Variants in IGF2BP3 observed in about 807,000 individuals in gnomAD.
The protein encoded by IGF2BP3 is insulin-like growth factor 2 mRNA-binding protein 3.
In IGF2BP3, 9 loss-of-function variants were observed where a neutral mutation model predicts 73.8. The observed-to-expected ratio is 0.12, with a 90% confidence interval of 0.07 to 0.21. The LOEUF (loss-of-function observed/expected upper bound fraction) is 0.21, where lower values mean the gene tolerates loss of function less well. IGF2BP3 is among the 10% of genes least tolerant of loss of function. IGF2BP3 has a pLI of 1.00. For missense variants in IGF2BP3, 542 were observed against 714.0 expected, an observed-to-expected ratio of 0.76 and a Z score of 2.75; for synonymous variants, 258 against 256.7, an observed-to-expected ratio of 1.01 and a Z score of -0.05.
chr7:23,318,674 C>T (rs1440528310), intron 11 of IGF2BP3, among the ~76,000 whole-genome samples: 1 of 152,176 alleles, frequency 6.6e-6, no homozygotes. Context: ...CTGTATTTTG[C>T]CCCTTCAACT....
chr7:23,313,482 C>G, intron 13 of IGF2BP3, 40 bp downstream of exon 13: 1 of 1,601,362 alleles, frequency 6.2e-7, no homozygotes. Flanking sequence ...TCAACGCTTT[C>G]CCTTTCATAC....
intron 3 of IGF2BP3, among the ~76,000 whole-genome samples, chr7:23,381,709 C>T (rs568247873): frequency 6.6e-6 from 1 of 152,016 alleles, no homozygotes; most frequent in Non-Finnish European, 1.5e-5. Flanking sequence ...GCTGGAATTA[C>T]AGGCACGTAC....
chr7:23,420,538 G>C (rs754911155), intron 2 of IGF2BP3, among the ~76,000 whole-genome samples: 27 of 152,086 alleles, frequency 1.8e-4, no homozygotes, highest in Non-Finnish European at 3.7e-4. Flanking sequence ...GAACTATAGT[G>C]AACTTCTCTT....
chr7:23,425,996 T>A (rs1471856745), intron 2 of IGF2BP3, among the ~76,000 whole-genome samples: 4 of 150,680 alleles, frequency 2.7e-5, no homozygotes, highest in African/African-American at 9.8e-5. Context: ...CCCTGACTTT[T>A]AAAAAGTAGA....
intron 5 of IGF2BP3, among the ~76,000 whole-genome samples, chr7:23,359,833 T>G (rs1785181419): frequency 6.6e-6 from 1 of 152,106 alleles, no homozygotes; most frequent in South Asian, 2.1e-4. Context: ...TTTCCTGGTC[T>G]TCTTACATGA....
At chr7:23,367,235 T>A (rs1474276190) in intron 3 of IGF2BP3, among the ~76,000 whole-genome samples, 2 of 152,042 alleles carry the variant, frequency 1.3e-5, no homozygotes, top group East Asian at 3.9e-4. Context: ...GCCTCAGCCT[T>A]CCCAAATGCT....
chr7:23,443,463 G>A (rs1787984458), intron 2 of IGF2BP3, among the ~76,000 whole-genome samples: 2 of 151,922 alleles, frequency 1.3e-5, no homozygotes, highest in South Asian at 4.2e-4. Context: ...GTTTCGCCAT[G>A]CTGACCAGCC....
chr7:23,368,617 G>C (rs1339284422), intron 3 of IGF2BP3, among the ~76,000 whole-genome samples: 1 of 152,148 alleles, frequency 6.6e-6, no homozygotes, highest in Non-Finnish European at 1.5e-5. Context: ...AACATACTAG[G>C]CCGGGCGCGG....
intron 2 of IGF2BP3, among the ~76,000 whole-genome samples, chr7:23,464,550 G>A (rs976819723): frequency 7.9e-5 from 12 of 152,012 alleles, no homozygotes. Context: ...CAGGCATGGT[G>A]GCGCATGCCT....
At chr7:23,406,434 T>C (rs1403329766) in intron 3 of IGF2BP3, among the ~76,000 whole-genome samples, 1 of 152,174 alleles carries the variant, frequency 6.6e-6, no homozygotes, top group Non-Finnish European at 1.5e-5. Context: ...CGGTGAGTGT[T>C]ACAGTTCTTA....
At chr7:23,395,528 G>A (rs1357148348) in intron 3 of IGF2BP3, among the ~76,000 whole-genome samples, 1 of 152,142 alleles carries the variant, frequency 6.6e-6, no homozygotes, top group Non-Finnish European at 1.5e-5. Flanking sequence ...TTGGGAGGCT[G>A]AGGTGGGAGG....
chr7:23,398,803 A>G (rs1453386616), intron 3 of IGF2BP3, among the ~76,000 whole-genome samples: 1 of 152,204 alleles, frequency 6.6e-6, no homozygotes, highest in Admixed American at 6.5e-5. Context: ...TAGATTCTGG[A>G]TATTAGCCCT....
intron 3 of IGF2BP3, among the ~76,000 whole-genome samples, chr7:23,392,449 T>TACACACACACACAC: frequency 6.8e-6 from 1 of 148,088 alleles, no homozygotes; most frequent in Non-Finnish European, 1.5e-5. Flanking sequence ...TATATATATA[T>TACACACACACACAC]ATACACACAC....
At chr7:23,343,637 A>C (rs555224849) in intron 9 of IGF2BP3, 81 bp downstream of exon 9, 1 of 1,349,920 alleles carries the variant, frequency 7.4e-7, no homozygotes, top group Non-Finnish European at 1.0e-6. Flanking sequence ...ATGCCACAAA[A>C]GAATTCAATA....
intron 2 of IGF2BP3, among the ~76,000 whole-genome samples, chr7:23,436,665 C>A (rs1787814146): frequency 6.6e-6 from 1 of 152,122 alleles, no homozygotes; most frequent in Non-Finnish European, 1.5e-5. Flanking sequence ...TAAATACTTT[C>A]CATGCACATA....
At chr7:23,421,087 G>A (rs1242362814) in intron 2 of IGF2BP3, among the ~76,000 whole-genome samples, 1 of 152,148 alleles carries the variant, frequency 6.6e-6, no homozygotes, top group Non-Finnish European at 1.5e-5. Flanking sequence ...TCAGCTCACT[G>A]CAGCCTCTGC....
chr7:23,405,344 A>G (rs1219678380), intron 3 of IGF2BP3, among the ~76,000 whole-genome samples: 1 of 152,230 alleles, frequency 6.6e-6, no homozygotes, highest in African/African-American at 2.4e-5. Flanking sequence ...CAATAATTTG[A>G]AGACTCAAAG....
intron 2 of IGF2BP3, among the ~76,000 whole-genome samples, chr7:23,458,305 G>T (rs901161270): frequency 1.3e-5 from 2 of 151,634 alleles, no homozygotes; most frequent in Non-Finnish European, 2.9e-5. Context: ...CATCCTCCTG[G>T]CTTTTCCCTT....
intron 10 of IGF2BP3, among the ~76,000 whole-genome samples, chr7:23,320,975 AAC>A: frequency 2.0e-5 from 3 of 150,840 alleles, no homozygotes; most frequent in African/African-American, 7.4e-5. Context: ...AAAAAGAAAA[AAC>A]AAAAAAGAAA....
Sources: gnomAD v4.1 joint callset for allele counts (sites outside exome capture counted in the v4.1 genomes callset) on GRCh38, gnomAD v4.1.1 for gene constraint, MANE v1.5 for transcripts, NCBI Gene and HGNC (gene_info 2026-07-23, HGNC 2026-07-21) for gene names.